Variants in RFX1 observed in about 807,000 individuals in gnomAD.
RFX1 encodes regulatory factor X1, also known as MHC class II regulatory factor RFX1.
A neutral mutation model predicts 119.6 loss-of-function variants in RFX1; 42 were observed. The ratio of observed to expected loss-of-function variants is 0.35; its 90% CI spans 0.27 to 0.45. The LOEUF is 0.45. Among genes scored for constraint, RFX1 ranks in the 20% least tolerant of loss-of-function variants. The pLI is 1.00. For synonymous variants in RFX1, 628 were observed against 618.5 expected (o/e 1.02, Z -0.23); for missense variants, 1,118 against 1,368.1 (o/e 0.82, Z 2.88).
intron 2 of RFX1, among the ~76,000 whole-genome samples, chr19:13,983,906 C>T (rs1974517010): frequency 6.6e-6 from 1 of 152,200 alleles, no homozygotes; most frequent in African/African-American, 2.4e-5. Context: ...AAGGCTGGAC[C>T]CTTCCCAGCA....
At chr19:13,995,467 G>A (rs1473090458) in intron 1 of RFX1, among the ~76,000 whole-genome samples, 2 of 152,118 alleles carry the variant, frequency 1.3e-5, no homozygotes, top group South Asian at 2.1e-4. Flanking sequence ...CTCATCAGTG[G>A]GACAGTGCCC....
At chr19:13,994,089 C>A (rs1156554888) in intron 1 of RFX1, among the ~76,000 whole-genome samples, 194 bp from the exon 2 acceptor site, 3 of 151,988 alleles carry the variant, frequency 2.0e-5, no homozygotes, top group Non-Finnish European at 4.4e-5. Flanking sequence ...GCAGGGGGAC[C>A]AGCTGTAGAC....
intron 1 of RFX1, among the ~76,000 whole-genome samples, chr19:13,999,506 A>C (rs1975142225): frequency 6.6e-6 from 1 of 152,244 alleles, no homozygotes; most frequent in Admixed American, 6.5e-5. Context: ...TGTGCGAATA[A>C]AACTTTATTT....
intron 7 of RFX1, among the ~76,000 whole-genome samples, chr19:13,978,973 G>T (rs936474942): frequency 1.3e-5 from 2 of 151,416 alleles, no homozygotes; most frequent in African/African-American, 4.8e-5. Flanking sequence ...GCCTAGCTGC[G>T]GGGCCTCGCC....
intron 8 of RFX1, 23 bp downstream of exon 8, chr19:13,977,969 C>G: frequency 6.3e-7 from 1 of 1,580,166 alleles, no homozygotes; most frequent in Non-Finnish European, 8.7e-7. Context: ...GACTCCCTCA[C>G]CCACCCCTCT....
rs973825283 is a variant in RFX1 at position 13,966,388 on chromosome 19, C to T, written c.1961+33G>A. 8 of 1,433,012 alleles carry T rather than the reference C, an allele frequency of 5.6e-6. No homozygotes were observed. Among genetic ancestry groups the T allele is most frequent in the South Asian group, 4.6e-5 (4 of 87,154 alleles). 88.8% of individuals were successfully genotyped at this position (1,433,012 alleles called of 1,614,324 possible). A position where few individuals can be genotyped will look rare whatever the true frequency, so the allele number is the denominator to read the frequency against. On this transcript the variant is annotated intron_variant, in intron 14 of 20. Coordinates refer to ENST00000254325, the MANE Select transcript of RFX1 (RefSeq NM_002918.5). The surrounding 1 kb of genome is among the most constrained non-coding windows in gnomAD (Gnocchi z 6.3). ...CCTGCGGGTCATGCCCTCCTCCCCC[C>T]TCTCCCTCCCACAGTCGCCGGGCAG...
chr19:13,973,831 C>A (rs1175192906), intron 8 of RFX1, among the ~76,000 whole-genome samples: 1 of 151,936 alleles, frequency 6.6e-6, no homozygotes, highest in African/African-American at 2.4e-5. Flanking sequence ...GGTGTTCCAC[C>A]ATGTTGGCCA....
chr19:13,981,737 C>T (rs971542156), intron 5 of RFX1, among the ~76,000 whole-genome samples: 21 of 152,210 alleles, frequency 1.4e-4, no homozygotes, highest in African/African-American at 4.8e-4. Flanking sequence ...TTGTGGGTCC[C>T]CAGAATCTAC....
chr19:13,972,932 C>G lies in RFX1; in HGVS notation c.1125G>C (p.Gly375=), dbSNP rs1304967350. The G allele has an allele frequency of 6.3e-7, 1 of 1,598,578 alleles. No homozygotes were observed. The highest frequency in any genetic ancestry group is 2.1e-4 in the Middle Eastern group (1 of 4,804). ...VVASSTSTGA[G]ASNSSGGGGS... ...CACCACCTCCGCTGCTGTTGCTGGC[C>G]CCAGCCCCAGTGCTGGTGGAGCTGG... The change falls in exon 9 of 21, where the codon GGG becomes GGC. Residue 375 remains glycine, a synonymous_variant. Coordinates refer to ENST00000254325, the MANE Select transcript of RFX1 (RefSeq NM_002918.5).
rs922790529 is a variant in RFX1, at chr19:13,985,686, G to A, written c.320-2091C>T. On this transcript the variant is annotated intron_variant, in intron 2 of 20. Coordinates refer to ENST00000254325, the MANE Select transcript of RFX1 (RefSeq NM_002918.5). The surrounding 1 kb of genome is among the most constrained non-coding windows in gnomAD (Gnocchi z 4.3). ...CCAAGGGCAGTGATGTGTGAACTTG[G>A]GTATATGGGCACAGGAAGGAAAGTA... is the stretch of plus-strand genomic sequence containing the variant. Among the ~76,000 whole-genome samples, 4 of 152,222 alleles carry A rather than the reference G, an allele frequency of 2.6e-5. No individual in the cohort carries two copies. Among genetic ancestry groups the A allele is most frequent in the Admixed American group, 2.6e-4 (4 of 15,280 alleles).
rs1421107382 is a variant in RFX1 at position 13,982,966 on chromosome 19, C to G, written c.513+221G>C. ...CACCTTCCCAACTATACATCTTGTT[C>G]TCTCTGCTGAGATGGCTCCTGCAGC... On this transcript the variant is annotated intron_variant, in intron 4 of 20. Coordinates refer to ENST00000254325, the MANE Select transcript of RFX1 (RefSeq NM_002918.5). 5.4e-6 allele frequency: 3 copies of G among 558,514 alleles called. No individual in the cohort carries two copies. In the African/African-American group the frequency reaches 5.8e-5, roughly 11 times the overall value. 34.6% of individuals were successfully genotyped at this position (558,514 alleles called of 1,614,324 possible).
chr19:13,972,489 C>T (rs1974113859), intron 9 of RFX1, among the ~76,000 whole-genome samples: 1 of 152,178 alleles, frequency 6.6e-6, no homozygotes. Context: ...CCACAGCGCC[C>T]AGCCAACAAT....
Position 13,968,991 on chromosome 19 carries a change from G to T in RFX1, c.1497-97C>A. The T allele has an allele frequency of 7.3e-7, 1 of 1,366,198 alleles. No individual in the cohort carries two copies. Among genetic ancestry groups the T allele is most frequent in the Admixed American group, 2.1e-5 (1 of 47,122 alleles). The allele number at this position is 1,366,198 out of a possible 1,614,324, so 84.6% of individuals were successfully genotyped here. A position where few individuals can be genotyped will look rare whatever the true frequency, so the allele number is the denominator to read the frequency against. Reference sequence around the variant, plus strand: ...CACACCCGTCTCCTCTCTGTTAGGAGAATGGATAGAGAGACGCCTGCCCTG... The same window carrying T: ...CACACCCGTCTCCTCTCTGTTAGGATAATGGATAGAGAGACGCCTGCCCTG... On this transcript the variant is annotated intron_variant, in intron 10 of 20. Transcript: ENST00000254325. The surrounding 1 kb of genome is among the most constrained non-coding windows in gnomAD (Gnocchi z 5.5).
chr19:13,974,655 C>T (rs112338962), intron 8 of RFX1, among the ~76,000 whole-genome samples: 1 of 152,096 alleles, frequency 6.6e-6, no homozygotes, highest in African/African-American at 2.4e-5. Context: ...AGGGCTCCGT[C>T]GAGGGGGACA....
Position 13,980,731 on chromosome 19 carries a change from T to TGCATCCCCTCTGGGGTGGGCTC in RFX1, c.622-43_622-42insGAGCCCACCCCAGAGGGGATGC. On this transcript the variant is annotated intron_variant, in intron 5 of 20. Transcript: ENST00000254325. The surrounding 1 kb of genome is among the most constrained non-coding windows in gnomAD (Gnocchi z 5.1). ...CACAGGAGTGCCGCTGGGGTGGGCT[T>TGCATCCCCTCTGGGGTGGGCTC]GCATCCTCTCTGAGGTGGGCTCACA... The TGCATCCCCTCTGGGGTGGGCTC allele has an allele frequency of 4.2e-6, 5 of 1,201,544 alleles. No individual in the cohort carries two copies. The highest frequency in any genetic ancestry group is 3.6e-6 in the Non-Finnish European group (3 of 842,366). The allele number at this position is 1,201,544 out of a possible 1,614,324, so 74.4% of individuals were successfully genotyped here.
At chr19:13,964,129 T>G (rs1973817716) in intron 16 of RFX1, 122 bp from the exon 17 acceptor site, 2 of 1,098,684 alleles carry the variant, frequency 1.8e-6, no homozygotes, top group Admixed American at 3.0e-5. Flanking sequence ...GGGATGTGCC[T>G]CGCTACTTTT....
At chr19:14,002,852 G>A (rs1182267116) in intron 1 of RFX1, among the ~76,000 whole-genome samples, 2 of 152,190 alleles carry the variant, frequency 1.3e-5, no homozygotes, top group African/African-American at 4.8e-5. Context: ...ACATGACAGA[G>A]GAGAAGGGTG....
intron 5 of RFX1, 115 bp downstream of exon 5, chr19:13,982,006 G>A (rs1974443163): frequency 2.4e-6 from 1 of 422,836 alleles, no homozygotes; most frequent in African/African-American, 2.0e-5. Flanking sequence ...GCAGGACTTT[G>A]GAGGAGCAAG....
chr19:13,963,213 A>G lies in RFX1; in HGVS notation c.2633T>C (p.Ile878Thr), dbSNP rs1425540118. The G allele has an allele frequency of 6.2e-7, 1 of 1,612,758 alleles. No homozygotes were observed. The highest frequency in any genetic ancestry group is 8.5e-7 in the Non-Finnish European group (1 of 1,179,488). Residue 878 changes from isoleucine (I) to threonine (T), a missense_variant, in exon 19 of 21, where the codon ATC becomes ACC. This residue lies in a region of RFX1 where 32 missense variants were observed against 71.5 expected (regional missense o/e 0.45). Coordinates refer to ENST00000254325, the MANE Select transcript of RFX1 (RefSeq NM_002918.5). ...CATGTACTCGTCGTAGAGCAGCCGG[A>G]TGAGGTGGAAGGAACCGAAGCTGGC... Reference protein sequence around the residue: ...SAASFGSFHLIRLLYDEYMYY... With the variant: ...SAASFGSFHLTRLLYDEYMYY...
Sources: gnomAD v4.1 joint callset for allele counts (sites outside exome capture counted in the v4.1 genomes callset) on GRCh38, gnomAD v4.1.1 for gene constraint, gnomAD v4.1.1 regional missense constraint, Gnocchi (gnomAD v3.1) non-coding constraint, MANE v1.5 for transcripts, NCBI Gene and HGNC (gene_info 2026-07-23, HGNC 2026-07-21) for gene names.